VPS13D: variants seen among roughly 807,000 people sequenced by gnomAD.
VPS13D encodes intermembrane lipid transfer protein VPS13D.
A neutral mutation model predicts 461.9 loss-of-function variants in VPS13D; 187 were observed. The observed-to-expected ratio is 0.40, with a 90% CI of 0.36 to 0.46. The LOEUF (loss-of-function observed/expected upper bound fraction) is 0.46, where lower values mean the gene tolerates loss of function less well. Among genes scored for constraint, VPS13D ranks in the 20% least tolerant of loss-of-function variants. The pLI is 0.60. For missense variants in VPS13D, 4,711 were observed against 5,364.9 expected (o/e 0.88, Z 3.81); for synonymous variants, 1,951 against 1,986.3 (o/e 0.98, Z 0.47).
Position 12,383,004 on chromosome 1 carries a change from A to T in VPS13D, c.11219A>T (p.Asp3740Val). Residue 3740 changes from aspartate (D) to valine (V), a missense_variant, in exon 58 of 70, where the codon GAT becomes GTT. Physicochemically the swap from Asp to Val is radical, Grantham distance 152 (BLOSUM62 -3). Transcript: ENST00000620676. ...QAKGGLSGLF[D>V]GAEVVLGPDT... ...AAAGGAGGACTTTCTGGTTTGTTTG[A>T]TGGAGCTGAAGTTGTTCTTGGTCCT... 1 of 1,613,962 alleles carries T rather than the reference A, an allele frequency of 6.2e-7. No homozygotes were observed. The highest frequency in any genetic ancestry group is 8.5e-7 in the Non-Finnish European group (1 of 1,179,966).
At chr1:12,503,645 G>A (rs1327856586) in intron 68 of VPS13D, among the ~76,000 whole-genome samples, 2 of 152,234 alleles carry the variant, frequency 1.3e-5, no homozygotes, top group African/African-American at 2.4e-5. Flanking sequence ...ATCTGATGCT[G>A]TGTGTTTCTG....
intron 10 of VPS13D, 64 bp downstream of exon 10, chr1:12,258,167 C>T (rs1640980226): frequency 1.9e-6 from 3 of 1,580,918 alleles, no homozygotes; most frequent in African/African-American, 1.4e-5. Context: ...CTCTCAAAGA[C>T]TAAAGAAAAT....
At chr1:12,423,250 C>T (rs1311743479) in intron 65 of VPS13D, among the ~76,000 whole-genome samples, 1 of 152,142 alleles carries the variant, frequency 6.6e-6, no homozygotes, top group African/African-American at 2.4e-5. Flanking sequence ...GTGACTTTCC[C>T]AAGATCAGCC....
chr1:12,397,715 G>A (rs1644518524), intron 60 of VPS13D, among the ~76,000 whole-genome samples: 1 of 152,200 alleles, frequency 6.6e-6, no homozygotes, highest in Non-Finnish European at 1.5e-5. Context: ...TGTGATAACT[G>A]CTGTAAAGAA....
intron 67 of VPS13D, among the ~76,000 whole-genome samples, chr1:12,494,622 G>T (rs1645931623): frequency 6.6e-6 from 1 of 152,186 alleles, no homozygotes; most frequent in South Asian, 2.1e-4. Flanking sequence ...GTTTTCTCCT[G>T]CCTGGTAGCA....
intron 1 of VPS13D, among the ~76,000 whole-genome samples, 161 bp downstream of exon 1, chr1:12,230,281 C>T (rs1367371505): frequency 6.6e-6 from 1 of 152,120 alleles, no homozygotes; most frequent in African/African-American, 2.4e-5. Context: ...CGTCCGGCCT[C>T]GGTCTGAGCC....
chr1:12,390,192 G>A (rs768877848), intron 60 of VPS13D, among the ~76,000 whole-genome samples: 2 of 152,196 alleles, frequency 1.3e-5, no homozygotes, highest in Non-Finnish European at 2.9e-5. Context: ...GGGTGATGAT[G>A]AATGGTGCCA....
intron 26 of VPS13D, among the ~76,000 whole-genome samples, chr1:12,307,456 A>G (rs1642598900): frequency 6.6e-6 from 1 of 152,108 alleles, no homozygotes; most frequent in Non-Finnish European, 1.5e-5. Flanking sequence ...GGGCTTGTGC[A>G]GGGCCTTGTA....
At chr1:12,489,749 C>G (rs1304025933) in intron 67 of VPS13D, among the ~76,000 whole-genome samples, 1 of 152,136 alleles carries the variant, frequency 6.6e-6, no homozygotes, top group South Asian at 2.1e-4. Context: ...TTATCGAGTG[C>G]CTATTATGTG....
intron 50 of VPS13D, among the ~76,000 whole-genome samples, chr1:12,361,369 ATTTTTATT>A (rs1557732573): frequency 2.1e-5 from 3 of 141,836 alleles, no homozygotes; most frequent in African/African-American, 8.1e-5. Flanking sequence ...TTTTATTTTT[ATTTTTATT>A]TATTTATTTA....
Position 12,283,615 on chromosome 1 carries a change from C to G in VPS13D, c.5513C>G (p.Thr1838Ser). ...TTAGACTTTTTTGGAATCGGCTCCA[C>G]TGCAGACAACCACGCAATGAGGCTG... Reference protein sequence around the residue: ...VILDFFGIGSTADNHAMRLPP... With the variant: ...VILDFFGIGSSADNHAMRLPP... The change falls in exon 21 of 70, where the codon ACT (threonine) becomes AGT (serine). Residue 1838 changes from threonine (T) to serine (S), a missense_variant. Around this residue, in one of 3 missense-constraint regions of VPS13D, gnomAD observed 4,411 missense variants for 4,937.8 expected, o/e 0.89. Transcript: ENST00000620676. The G allele has an allele frequency of 6.2e-7, 1 of 1,614,220 alleles. No individual in the cohort carries two copies. Among genetic ancestry groups the G allele is most frequent in the Non-Finnish European group, 8.5e-7 (1 of 1,180,036 alleles).
At chr1:12,318,369 T>C in intron 31 of VPS13D, 32 bp downstream of exon 31, 2 of 1,586,402 alleles carry the variant, frequency 1.3e-6, no homozygotes, top group Middle Eastern at 1.7e-4. Context: ...TCATTGGTGC[T>C]TAGTTTGGAT....
intron 63 of VPS13D, among the ~76,000 whole-genome samples, chr1:12,406,535 G>A (rs1004999294): frequency 6.6e-6 from 1 of 152,164 alleles, no homozygotes; most frequent in Non-Finnish European, 1.5e-5. Context: ...TTACACTGAG[G>A]GTACATTGTT....
intron 42 of VPS13D, among the ~76,000 whole-genome samples, chr1:12,344,000 G>A (rs1449783779): frequency 1.3e-5 from 2 of 152,180 alleles, no homozygotes; most frequent in South Asian, 4.1e-4. Flanking sequence ...AACTGATCTG[G>A]GGAGACTGCT....
intron 35 of VPS13D, 100 bp from the exon 36 acceptor site, chr1:12,327,548 C>T: frequency 6.0e-6 from 6 of 1,001,110 alleles, no homozygotes. Context: ...CTTGGCTTCC[C>T]AGTAGGTCTC....
Position 12,460,402 on chromosome 1 carries a change from T to C in VPS13D, c.12662+6T>C. 1.9e-6 allele frequency: 3 copies of C among 1,565,226 alleles called. No individual in the cohort carries two copies. The African/African-American group carries it at 4.1e-5, about 21-fold the overall frequency. On this transcript the variant is annotated splice_donor_region_variant and intron_variant, in intron 67 of 69. Transcript: ENST00000620676. ...GCCACACTCAGCGGCCCCAGGTCAG[T>C]GGTGTGGGAAGAATGGCTTTTGCAG...
chr1:12,288,456 G>T, intron 22 of VPS13D, 143 bp downstream of exon 22: 1 of 709,974 alleles, frequency 1.4e-6, no homozygotes. Context: ...CAGGATTCAT[G>T]GTGGTGGTTC....
At chr1:12,325,093 C>T (rs949359266) in intron 35 of VPS13D, among the ~76,000 whole-genome samples, 1 of 151,852 alleles carries the variant, frequency 6.6e-6, no homozygotes, top group African/African-American at 2.4e-5. Context: ...TTTTTTCCCC[C>T]TTTTTTAAAA....
At chr1:12,479,593 T>C (rs1043130975) in intron 67 of VPS13D, among the ~76,000 whole-genome samples, 1 of 152,202 alleles carries the variant, frequency 6.6e-6, no homozygotes, top group Non-Finnish European at 1.5e-5. Flanking sequence ...GTAACTTGTC[T>C]AAGATCTCAG....
Sources: allele counts gnomAD v4.1 joint callset (sites outside exome capture counted in the v4.1 genomes callset), GRCh38; gene constraint gnomAD v4.1.1; regional missense constraint gnomAD v4.1.1; transcripts MANE v1.5; gene names NCBI Gene and HGNC (gene_info 2026-07-23, HGNC 2026-07-21).